Variants in ADGRL1 observed in about 807,000 individuals in gnomAD.
The protein encoded by ADGRL1 is CIRL-1.
A neutral mutation model predicts 148.9 loss-of-function variants in ADGRL1; 31 were observed. The observed-to-expected ratio is 0.21, with a 90% CI of 0.16 to 0.28. The LOEUF is 0.28. ADGRL1 is among the 10% of genes least tolerant of loss of function. ADGRL1 has a pLI of 1.00. For synonymous variants in ADGRL1, 937 were observed against 900.3 expected (o/e 1.04, Z -0.73); for missense variants, 1,521 against 2,058.8 (o/e 0.74, Z 5.05).
Position 14,161,468 on chromosome 19 carries a change from C to T in ADGRL1, c.1354G>A (p.Ala452Thr), listed in dbSNP as rs1240760384. 1 of 1,460,018 alleles carries T rather than the reference C, an allele frequency of 6.8e-7. No homozygotes were observed. 90.4% of individuals were successfully genotyped at this position (1,460,018 alleles called of 1,614,324 possible). A position where few individuals can be genotyped will look rare whatever the true frequency, so the allele number is the denominator to read the frequency against. Residue 452 changes from alanine to threonine, a missense_variant, in exon 6 of 23, where the codon GCC (alanine) becomes ACC (threonine). Physicochemically the swap from Ala to Thr is moderately conservative, Grantham distance 58. Transcript: ENST00000361434. The surrounding 1 kb of genome is among the most constrained non-coding windows in gnomAD (Gnocchi z 4.4). ...INQLGPDLPPATAPVPSTRRP... is the reference protein window; with the variant it reads ...INQLGPDLPPTTAPVPSTRRP... ...CGGGTGCTGGGGACTGGGGCTGTGG[C>T]TGGAGGCAGATCAGGTCCCAGCTGG... is the stretch of plus-strand genomic sequence containing the variant.
chr19:14,151,007 G>T lies in ADGRL1; in HGVS notation c.4276C>A (p.Leu1426Met). ...CCCTGCAGGGGATTCCGGGCCACCA[G>T]GGCTGGCGGGCGCGAGGTGTAGTAG... ...EIYYTSRPPA[L>M]VARNPLQGYY... The change falls in exon 23 of 23, where the codon CTG becomes ATG. Residue 1426 changes from leucine to methionine, a missense_variant. Leu to Met is a conservative substitution (Grantham distance 15). Transcript: ENST00000361434. 1 of 1,577,902 alleles carries T rather than the reference G, an allele frequency of 6.3e-7. No individual in the cohort carries two copies. The highest frequency in any genetic ancestry group is 2.3e-5 in the East Asian group (1 of 43,780).
Position 14,152,198 on chromosome 19 carries a change from C to T in ADGRL1, c.3650-48G>A. 1.9e-6 allele frequency: 3 copies of T among 1,614,040 alleles called. No homozygotes were observed. Among genetic ancestry groups the T allele is most frequent in the Middle Eastern group, 1.7e-4 (1 of 6,060 alleles). The stretch of plus-strand genomic sequence containing the variant: ...AGAAGAGAAAAGGCAAGGATGAGCT[C>T]GAAATGCAAGTCCAGGCTCCAGTTC... On this transcript the variant is annotated intron_variant, in intron 21 of 22. Transcript: ENST00000361434. The surrounding 1 kb of genome is among the most constrained non-coding windows in gnomAD (Gnocchi z 6.1).
intron 1 of ADGRL1, among the ~76,000 whole-genome samples, chr19:14,191,948 T>A (rs1971971054): frequency 6.6e-6 from 1 of 152,170 alleles, no homozygotes. Flanking sequence ...TCTTCCTGCC[T>A]TGGCCTCCCA....
At chr19:14,191,142 C>T in intron 1 of ADGRL1, 1 of 456,602 alleles carries the variant, frequency 2.2e-6, no homozygotes, top group Non-Finnish European at 4.4e-6. Flanking sequence ...TGCTTTAACC[C>T]CTCCAACACC....
At position 14,157,071 on chromosome 19, in the gene ADGRL1, G is replaced by A. The variant is rs747873425; in HGVS notation, c.2820C>T (p.Gly940=). The change falls in exon 15 of 23, where the codon GGC becomes GGT. Residue 940 remains glycine (G), a synonymous_variant. Coordinates refer to ENST00000361434, the MANE Select transcript of ADGRL1 (RefSeq NM_014921.5). This position sits in a 1 kb window ranked among gnomAD's most constrained non-coding sequence, Gnocchi z 7.5. ...LAAFSWLCLE[G]VHLYLLLVEV... ...CCACTAGTAGCAGGTAGAGGTGCAC[G>A]CCCTCCAGGCACAGCCAGGAGAAGG... 11 of 1,614,000 alleles carry A rather than the reference G, an allele frequency of 6.8e-6. No homozygotes were observed. Among genetic ancestry groups the A allele is most frequent in the Middle Eastern group, 3.3e-4 (2 of 6,084 alleles).
At chr19:14,193,436 A>G (rs1972074114) in intron 1 of ADGRL1, among the ~76,000 whole-genome samples, 1 of 151,896 alleles carries the variant, frequency 6.6e-6, no homozygotes. Flanking sequence ...AAAACACAAA[A>G]ATTAGCCGAG....
rs2144581393 is a variant in ADGRL1, at chr19:14,150,614, TC to T, written c.*258del. 1 of 501,488 alleles carries T rather than the reference TC, an allele frequency of 2.0e-6. No homozygotes were observed. The highest frequency in any genetic ancestry group is 2.0e-5 in the African/African-American group (1 of 49,770). The allele number at this position is 501,488 out of a possible 1,614,324, so 31.1% of individuals were successfully genotyped here. The stretch of plus-strand genomic sequence containing the variant: ...GTTCTCCCTCCTCACTCCCCTGGGG[TC>T]CTCTGGGCTCCTCCTCACTACACTT... On this transcript the variant is annotated 3_prime_UTR_variant, in exon 23 of 23. Coordinates refer to ENST00000361434, the MANE Select transcript of ADGRL1 (RefSeq NM_014921.5).
intron 1 of ADGRL1, among the ~76,000 whole-genome samples, chr19:14,201,821 T>TCACAGA (rs1161788297): frequency 1.3e-5 from 2 of 152,094 alleles, no homozygotes; most frequent in Non-Finnish European, 2.9e-5. Flanking sequence ...TGGATCCTCC[T>TCACAGA]CACAGACACA....
At chr19:14,195,359 G>C (rs1972191854) in intron 1 of ADGRL1, among the ~76,000 whole-genome samples, 1 of 152,064 alleles carries the variant, frequency 6.6e-6, no homozygotes, top group Non-Finnish European at 1.5e-5. Flanking sequence ...AGAGCAACAG[G>C]AGGAGAAGCG....
intron 1 of ADGRL1, among the ~76,000 whole-genome samples, chr19:14,193,563 G>A (rs571755748): frequency 1.3e-5 from 2 of 152,020 alleles, no homozygotes; most frequent in East Asian, 3.9e-4. Flanking sequence ...TTCTAGCCTG[G>A]GCAAGAGAGT....
chr19:14,170,646 A>C, intron 4 of ADGRL1, 36 bp downstream of exon 4: 60 of 1,221,044 alleles, frequency 4.9e-5, no homozygotes, highest in Non-Finnish European at 6.6e-5. Flanking sequence ...TCATGCGAGA[A>C]GGGCCCGCAT....
chr19:14,182,766 G>C (rs1432130673), intron 2 of ADGRL1, among the ~76,000 whole-genome samples: 1 of 152,220 alleles, frequency 6.6e-6, no homozygotes, highest in South Asian at 2.1e-4. Context: ...TAGCAGCAGA[G>C]GAGTGAGGTT....
Position 14,161,230 on chromosome 19 carries a change from A to AC in ADGRL1, c.1510+81dup, listed in dbSNP as rs1969334417. On this transcript the variant is annotated intron_variant, in intron 6 of 22. Coordinates refer to ENST00000361434, the MANE Select transcript of ADGRL1 (RefSeq NM_014921.5). This position sits in a 1 kb window ranked among gnomAD's most constrained non-coding sequence, Gnocchi z 4.4. ...AGAAAACCTCTGCTCCGCAGTAGAG[A>AC]CCCCCACCCACACATGCATCTGTGC... 14 of 1,317,072 alleles carry AC rather than the reference A, an allele frequency of 1.1e-5. No individual in the cohort carries two copies. In the South Asian group the frequency reaches 1.8e-4, roughly 17 times the overall value. The allele number at this position is 1,317,072 out of a possible 1,614,324, so 81.6% of individuals were successfully genotyped here. A position where few individuals can be genotyped will look rare whatever the true frequency, so the allele number is the denominator to read the frequency against.
At chr19:14,204,439 G>A (rs543952278) in intron 1 of ADGRL1, among the ~76,000 whole-genome samples, 59 of 152,128 alleles carry the variant, frequency 3.9e-4, no homozygotes, top group African/African-American at 1.3e-3. Flanking sequence ...TGGAGGGCAC[G>A]GAGCTTTCAG....
intron 1 of ADGRL1, among the ~76,000 whole-genome samples, chr19:14,197,785 C>T (rs7508068): frequency 0.095 from 14,435 of 152,192 alleles, 1,092 homozygotes; most frequent in African/African-American, 0.21. Flanking sequence ...GTTGGGCTGG[C>T]TCTTGTTGCA....
rs559266037 is a variant in ADGRL1, at chr19:14,156,009, A to G, written c.3125+101T>C. The G allele has an allele frequency of 1.4e-4, 117 of 831,068 alleles. No individual in the cohort carries two copies. In the South Asian group the frequency reaches 1.7e-3, roughly 12 times the overall value. The allele number at this position is 831,068 out of a possible 1,614,324, so 51.5% of individuals were successfully genotyped here. A position where few individuals can be genotyped will look rare whatever the true frequency, so the allele number is the denominator to read the frequency against. ...ACTTAAAATTGCAATGTGTGTCACC[A>G]GAGGTGACAGCACTACCTTTTAGGA... On this transcript the variant is annotated intron_variant, in intron 17 of 22. Coordinates refer to ENST00000361434, the MANE Select transcript of ADGRL1 (RefSeq NM_014921.5).
intron 15 of ADGRL1, 36 bp downstream of exon 15, chr19:14,156,889 G>C: frequency 1.2e-6 from 2 of 1,600,046 alleles, no homozygotes; most frequent in Non-Finnish European, 1.7e-6. Context: ...CAGGGAACCA[G>C]GTGGGAGGGT....
intron 1 of ADGRL1, among the ~76,000 whole-genome samples, chr19:14,196,397 T>C (rs1000750970): frequency 4.6e-5 from 7 of 152,182 alleles, no homozygotes; most frequent in African/African-American, 7.2e-5. Flanking sequence ...AGAGGGCTGA[T>C]TGCTTGGGCT....
chr19:14,187,598 G>A lies in ADGRL1; in HGVS notation c.-95-3901C>T, dbSNP rs1417774363. On this transcript the variant is annotated intron_variant, in intron 1 of 22. Coordinates refer to ENST00000361434, the MANE Select transcript of ADGRL1 (RefSeq NM_014921.5). ...CCAGCTACCTCCAGCCCCCAACCGCGTCTCCCCCCACATCCCTGACTAGAC... is the reference window on the plus strand; with the variant it reads ...CCAGCTACCTCCAGCCCCCAACCGCATCTCCCCCCACATCCCTGACTAGAC... 2.5e-3 allele frequency among the ~76,000 whole-genome samples: 136 copies of A among 55,278 alleles called. 2 individuals are homozygous for A. Among genetic ancestry groups the A allele is most frequent in the East Asian group, 0.015 (38 of 2,458 alleles). The allele number at this position is 55,278 out of a possible 152,430, so 36.3% of individuals were successfully genotyped here.
Sources: gnomAD v4.1 joint callset for allele counts (sites outside exome capture counted in the v4.1 genomes callset) on GRCh38, gnomAD v4.1.1 for gene constraint, Gnocchi (gnomAD v3.1) non-coding constraint, MANE v1.5 for transcripts, NCBI Gene and HGNC (gene_info 2026-07-23, HGNC 2026-07-21) for gene names.